The following PTH2R variants were observed in gnomAD, a reference collection of about 807,000 sequenced individuals.
PTH2R encodes the protein parathyroid hormone 2 receptor.
PTH2R carries 59 observed loss-of-function variants against 60.3 expected under a neutral mutation model. The observed-to-expected ratio is 0.98, with a 90% CI of 0.79 to 1.22. PTH2R has a LOEUF of 1.22. Among genes scored for constraint, PTH2R ranks in the 50% most tolerant of loss-of-function variants. PTH2R has a pLI of 0.00. For missense variants in PTH2R, 749 were observed against 682.6 expected, an observed-to-expected ratio of 1.10 and a Z score of -1.08; for synonymous variants, 256 against 243.8, an observed-to-expected ratio of 1.05 and a Z score of -0.47.
At position 208,493,681 on chromosome 2, in the gene PTH2R, T is replaced by C. The variant is rs200317786; in HGVS notation, c.*22T>C. The C allele has an allele frequency of 6.5e-7, 1 of 1,528,458 alleles. No homozygotes were observed. Among genetic ancestry groups the C allele is most frequent in the African/African-American group, 1.4e-5 (1 of 72,800 alleles). 94.7% of individuals were successfully genotyped at this position (1,528,458 alleles called of 1,614,324 possible). On this transcript the variant is annotated 3_prime_UTR_variant, in exon 13 of 13. Coordinates refer to ENST00000272847, the MANE Select transcript of PTH2R (RefSeq NM_005048.4). ...CTGAATGGACATTTGTGGCTGACTT[T>C]CATGGGCTGGTCCAATGGCTGGTTG... is the stretch of plus-strand genomic sequence containing the variant.
intron 2 of PTH2R, among the ~76,000 whole-genome samples, chr2:208,436,885 T>G (rs1210321240): frequency 1.3e-5 from 2 of 152,142 alleles, no homozygotes; most frequent in Admixed American, 6.5e-5. Context: ...CCCAGAGAAC[T>G]GTCCTGCAGA....
intron 8 of PTH2R, among the ~76,000 whole-genome samples, chr2:208,454,149 T>G (rs1190281041): frequency 1.3e-5 from 2 of 152,082 alleles, no homozygotes; most frequent in Admixed American, 1.3e-4. Flanking sequence ...ACATGATGAA[T>G]GAACATGAAA....
At position 208,458,454 on chromosome 2, in the gene PTH2R, T is replaced by A. The variant is rs540841635; in HGVS notation, c.915-1441T>A. The stretch of plus-strand genomic sequence containing the variant: ...CAGCTGTCAAAGATTTTTAAAAAAA[T>A]TTTTATTTTAGGTTTGGGGGTACAT... On this transcript the variant is annotated intron_variant, in intron 8 of 12. Transcript: ENST00000272847. Among the ~76,000 whole-genome samples, 19 of 152,218 alleles carry A rather than the reference T, an allele frequency of 1.2e-4. No individual in the cohort carries two copies. The South Asian group carries it at 2.3e-3, about 18-fold the overall frequency.
intron 9 of PTH2R, among the ~76,000 whole-genome samples, chr2:208,474,730 T>C (rs540398210): frequency 6.6e-6 from 1 of 152,246 alleles, no homozygotes; most frequent in Non-Finnish European, 1.5e-5. Context: ...TTTAAGCAGG[T>C]TAGTAAGTGG....
chr2:208,414,028 A>C (rs372377049), intron 1 of PTH2R, among the ~76,000 whole-genome samples: 21 of 152,184 alleles, frequency 1.4e-4, no homozygotes, highest in African/African-American at 5.1e-4. Context: ...ATCTTAGTGC[A>C]CCTAATGGGA....
chr2:208,488,951 C>A lies in PTH2R; in HGVS notation c.1077-61C>A, dbSNP rs75283382. The A allele has an allele frequency of 3.0e-3, 4,739 of 1,587,890 alleles. 136 individuals are homozygous for A. In the African/African-American group the frequency reaches 0.056, roughly 19 times the overall value. The stretch of plus-strand genomic sequence containing the variant: ...GCTAAGTTTTTTTTTTCCTCCAGCA[C>A]GCTGTCTTTACTGAAAGGCACTCTA... On this transcript the variant is annotated intron_variant, in intron 10 of 12. Transcript: ENST00000272847.
intron 1 of PTH2R, among the ~76,000 whole-genome samples, chr2:208,418,283 G>A (rs1179003852): frequency 6.6e-6 from 1 of 151,720 alleles, no homozygotes; most frequent in African/African-American, 2.4e-5. Context: ...ATCAAAGGAC[G>A]ATAAAGGGAA....
At chr2:208,472,898 C>T (rs993961565) in intron 9 of PTH2R, among the ~76,000 whole-genome samples, 1 of 150,484 alleles carries the variant, frequency 6.6e-6, no homozygotes, top group African/African-American at 2.4e-5. Context: ...GGTTATGTAA[C>T]TTGCCTGAGG....
chr2:208,421,392 T>C (rs1391384300), intron 1 of PTH2R, among the ~76,000 whole-genome samples: 1 of 151,690 alleles, frequency 6.6e-6, no homozygotes, highest in African/African-American at 2.4e-5. Context: ...GTGTGTAGTG[T>C]CTGTGTGAGT....
At chr2:208,407,750 CTTTT>C (rs554347754) in intron 1 of PTH2R, among the ~76,000 whole-genome samples, 2 of 149,922 alleles carry the variant, frequency 1.3e-5, no homozygotes, top group Non-Finnish European at 3.0e-5. Context: ...TTCATACGCA[CTTTT>C]TTTTTTGAGT....
exon 1 of PTH2R, chr2:208,360,141 G>A (rs1272513249): frequency 2.3e-6 from 1 of 431,592 alleles, no homozygotes; most frequent in Non-Finnish European, 4.6e-6. Context: ...ATGCTTCGAA[G>A]CAGTTTGTCA....
At chr2:208,459,527 T>C (rs994482526) in intron 8 of PTH2R, among the ~76,000 whole-genome samples, 1 of 152,134 alleles carries the variant, frequency 6.6e-6, no homozygotes, top group African/African-American at 2.4e-5. Context: ...ACTTTCTTTA[T>C]CAGTGAATTT....
rs563456297 is a variant in PTH2R at position 208,444,998 on chromosome 2, A to T, written c.853+111A>T. ...CCATTTTCCTGAAACAATCCCTCCC[A>T]TTCTTATTTTTTATCTCCCTTTTAT... On this transcript the variant is annotated intron_variant, in intron 7 of 12. Coordinates refer to ENST00000272847, the MANE Select transcript of PTH2R (RefSeq NM_005048.4). The T allele has an allele frequency of 4.9e-3, 5,661 of 1,146,642 alleles. 17 individuals are homozygous for T. Among genetic ancestry groups the T allele is most frequent in the Non-Finnish European group, 6.2e-3 (5,082 of 825,556 alleles). The allele number at this position is 1,146,642 out of a possible 1,614,324, so 71.0% of individuals were successfully genotyped here.
chr2:208,379,860 G>GA (rs199776824), intron 1 of PTH2R, among the ~76,000 whole-genome samples: 121 of 137,096 alleles, frequency 8.8e-4, no homozygotes, highest in Admixed American at 1.7e-3. Flanking sequence ...ACTCTGTCTT[G>GA]AAAAAAAAAA....
intron 1 of PTH2R, among the ~76,000 whole-genome samples, chr2:208,420,854 A>G (rs1360028870): frequency 6.6e-6 from 1 of 152,192 alleles, no homozygotes; most frequent in African/African-American, 2.4e-5. Flanking sequence ...TATCACATGT[A>G]AAGTTGCATG....
At chr2:208,452,354 T>A (rs1702422895) in intron 8 of PTH2R, among the ~76,000 whole-genome samples, 2 of 152,266 alleles carry the variant, frequency 1.3e-5, no homozygotes, top group African/African-American at 4.8e-5. Flanking sequence ...TGCTAAATAC[T>A]TGTTAGCAAG....
intron 1 of PTH2R, among the ~76,000 whole-genome samples, chr2:208,419,861 A>T (rs1345187343): frequency 6.6e-6 from 1 of 152,162 alleles, no homozygotes; most frequent in African/African-American, 2.4e-5. Context: ...CACTATTCAC[A>T]ATAGCAAAGA....
intron 1 of PTH2R, among the ~76,000 whole-genome samples, chr2:208,379,041 A>G (rs1243586784): frequency 6.6e-6 from 1 of 152,178 alleles, no homozygotes; most frequent in African/African-American, 2.4e-5. Context: ...AAAACTAAAG[A>G]TAGCTAGTGA....
exon 1 of PTH2R, chr2:208,360,138 G>C (rs1247815588): frequency 2.3e-6 from 1 of 428,666 alleles, no homozygotes; most frequent in East Asian, 7.2e-5. Flanking sequence ...TTTATGCTTC[G>C]AAGCAGTTTG....
Sources: allele counts gnomAD v4.1 joint callset (sites outside exome capture counted in the v4.1 genomes callset), GRCh38; gene constraint gnomAD v4.1.1; transcripts MANE v1.5; gene names NCBI Gene and HGNC (gene_info 2026-07-23, HGNC 2026-07-21).